PLEK2: variants seen among roughly 807,000 people sequenced by gnomAD.
PLEK2 encodes pleckstrin-2.
Under a neutral mutation model 43.8 loss-of-function variants are expected in PLEK2, and 29 were observed. That is an observed-to-expected ratio of 0.66 (90% CI 0.49 to 0.90). The LOEUF (loss-of-function observed/expected upper bound fraction) is 0.90, where lower values mean the gene tolerates loss of function less well. Ranked by LOEUF, PLEK2 falls within the 40% of genes least tolerant of loss-of-function variation. PLEK2 has a pLI of 0.00. For missense variants in PLEK2, 398 were observed against 448.1 expected (o/e 0.89, Z 1.01); for synonymous variants, 162 against 173.2 (o/e 0.94, Z 0.51).
intron 6 of PLEK2, among the ~76,000 whole-genome samples, chr14:67,391,271 ATGTGTGTG>A (rs61156733): frequency 1.6e-4 from 23 of 143,912 alleles, no homozygotes; most frequent in South Asian, 2.3e-4. Flanking sequence ...AGCAGCTGAT[ATGTGTGTG>A]TGTGTGTGTG....
chr14:67,391,924 G>A (rs987128097), intron 6 of PLEK2, among the ~76,000 whole-genome samples: 6 of 152,164 alleles, frequency 3.9e-5, no homozygotes, highest in Non-Finnish European at 7.3e-5. Context: ...TCAAGGAGGC[G>A]TGCAGAATCT....
At chr14:67,399,942 T>C (rs574350000) in intron 1 of PLEK2, among the ~76,000 whole-genome samples, 8 of 152,330 alleles carry the variant, frequency 5.3e-5, no homozygotes, top group Admixed American at 4.6e-4. Context: ...AGCTTAGGGC[T>C]AGGTTCTAAC....
At chr14:67,390,791 G>A (rs748996250) in intron 6 of PLEK2, 45 bp from the exon 7 acceptor site, 12 of 1,291,866 alleles carry the variant, frequency 9.3e-6, no homozygotes, top group East Asian at 2.3e-5. Flanking sequence ...ACAGCTGCAT[G>A]TCCCTCTCTC....
intron 1 of PLEK2, among the ~76,000 whole-genome samples, chr14:67,402,935 C>T (rs1366261734): frequency 6.6e-6 from 1 of 152,072 alleles, no homozygotes; most frequent in Admixed American, 6.6e-5. Flanking sequence ...GGGTATATAC[C>T]CAGCAGTGGA....
At chr14:67,411,889 TC>T (rs1309080996) in intron 1 of PLEK2, 128 bp downstream of exon 1, 1 of 839,796 alleles carries the variant, frequency 1.2e-6, no homozygotes, top group Non-Finnish European at 1.8e-6. Context: ...GGCGGCCCGG[TC>T]CCACCATGGG....
intron 3 of PLEK2, 120 bp downstream of exon 3, chr14:67,395,281 AC>A: frequency 1.3e-6 from 1 of 798,188 alleles, no homozygotes; most frequent in Non-Finnish European, 2.0e-6. Context: ...GCCCTGAAGC[AC>A]CGTGGTGGCA....
At chr14:67,403,563 G>A (rs1205322716) in intron 1 of PLEK2, among the ~76,000 whole-genome samples, 2 of 152,212 alleles carry the variant, frequency 1.3e-5, no homozygotes, top group Non-Finnish European at 2.9e-5. Flanking sequence ...TCTGTTCAAA[G>A]TCACTAAAGT....
At chr14:67,403,666 C>A (rs1358325294) in intron 1 of PLEK2, among the ~76,000 whole-genome samples, 19 of 152,194 alleles carry the variant, frequency 1.2e-4, no homozygotes, top group Admixed American at 1.2e-3. Context: ...ACTACGTAGA[C>A]AAGAAATTCA....
At chr14:67,411,985 C>G (rs750163375) in intron 1 of PLEK2, 33 bp downstream of exon 1, 1 of 1,524,326 alleles carries the variant, frequency 6.6e-7, no homozygotes, top group Non-Finnish European at 8.8e-7. Flanking sequence ...GGGCCCCACC[C>G]GGGCAATGTC....
At chr14:67,388,881 C>G (rs8003327) in intron 7 of PLEK2, among the ~76,000 whole-genome samples, 47,073 of 151,718 alleles carry the variant, frequency 0.31, 11,187 homozygotes, top group African/African-American at 0.64. Context: ...GGTTCATCAC[C>G]TTGGCCAGGC....
At chr14:67,398,137 T>G (rs1159092250) in intron 1 of PLEK2, 2 of 235,180 alleles carry the variant, frequency 8.5e-6, no homozygotes, top group African/African-American at 2.2e-5. Flanking sequence ...TTGTATTTCC[T>G]TCCGGTCTTT....
At chr14:67,411,887 G>A (rs1223794655) in intron 1 of PLEK2, 131 bp downstream of exon 1, 16 of 820,094 alleles carry the variant, frequency 2.0e-5, no homozygotes, top group Admixed American at 1.0e-4. Context: ...CAGGCGGCCC[G>A]GTCCCACCAT....
intron 1 of PLEK2, among the ~76,000 whole-genome samples, chr14:67,400,941 G>A (rs1360167373): frequency 6.6e-6 from 1 of 151,416 alleles, no homozygotes; most frequent in Non-Finnish European, 1.5e-5. Flanking sequence ...AGTGAGCTAT[G>A]ATCACACCAC....
intron 6 of PLEK2, among the ~76,000 whole-genome samples, 154 bp downstream of exon 6, chr14:67,392,172 C>T (rs995077890): frequency 2.6e-5 from 4 of 152,186 alleles, no homozygotes. Flanking sequence ...CTTTGACTTG[C>T]TCCTGGAGGC....
chr14:67,399,073 G>A (rs1230815544), intron 1 of PLEK2, among the ~76,000 whole-genome samples: 1 of 152,170 alleles, frequency 6.6e-6, no homozygotes, highest in Non-Finnish European at 1.5e-5. Context: ...TATATTCCTA[G>A]AAAGAATATT....
chr14:67,398,185 A>G (rs2086024821), intron 1 of PLEK2: 1 of 168,362 alleles, frequency 5.9e-6, no homozygotes, highest in Non-Finnish European at 1.3e-5. Context: ...TTTTAAAAAA[A>G]TTAAGATTAT....
intron 1 of PLEK2, among the ~76,000 whole-genome samples, chr14:67,406,490 C>T (rs970394273): frequency 2.6e-5 from 4 of 151,964 alleles, no homozygotes; most frequent in Non-Finnish European, 4.4e-5. Context: ...GGAGACTCCC[C>T]GTGGTTCTAT....
At position 67,389,977 on chromosome 14, in the gene PLEK2, G is replaced by A. The variant is rs1050956560; in HGVS notation, c.855+686C>T. Among the ~76,000 whole-genome samples the A allele has an allele frequency of 2.0e-5, 3 of 152,110 alleles. No individual in the cohort carries two copies. The South Asian group carries it at 6.2e-4, about 32-fold the overall frequency. ...CTGGCCTAGCTGGGTCCAGGCAGGG[G>A]TTCCTGACTGAAGCTCAGTGAGGAA... On this transcript the variant is annotated intron_variant, in intron 7 of 8. Transcript: ENST00000216446.
chr14:67,393,259 C>A lies in PLEK2; in HGVS notation c.390-18G>T. 6.3e-7 allele frequency: 1 copy of A among 1,583,672 alleles called. No individual in the cohort carries two copies. Among genetic ancestry groups the A allele is most frequent in the Non-Finnish European group, 8.7e-7 (1 of 1,152,252 alleles). ...CAATGCGACTACATGGAAGGGAAGG[C>A]AAAGGAGAGGGAACCCTCATCACGC... On this transcript the variant is annotated intron_variant, in intron 3 of 8. Coordinates refer to ENST00000216446, the MANE Select transcript of PLEK2 (RefSeq NM_016445.3).
Sources: allele counts gnomAD v4.1 joint callset (sites outside exome capture counted in the v4.1 genomes callset), GRCh38; gene constraint gnomAD v4.1.1; transcripts MANE v1.5; gene names NCBI Gene and HGNC (gene_info 2026-07-23, HGNC 2026-07-21).